The following PCDHGA4 variants were observed in gnomAD, a reference collection of about 807,000 sequenced individuals.
The protein encoded by PCDHGA4 is protocadherin gamma-A4.
In PCDHGA4, 38 loss-of-function variants were observed where a neutral mutation model predicts 54.6. The ratio of observed to expected loss-of-function variants is 0.70; its 90% CI spans 0.54 to 0.91. The LOEUF (loss-of-function observed/expected upper bound fraction) is 0.91, where lower values mean the gene tolerates loss of function less well. PCDHGA4 is among the 40% of genes least tolerant of loss of function. PCDHGA4 has a pLI of 0.00. For missense variants in PCDHGA4, 1,298 were observed against 1,220.9 expected, an observed-to-expected ratio of 1.06 and a Z score of -0.94; for synonymous variants, 511 against 512.9, an observed-to-expected ratio of 1.00 and a Z score of 0.05.
In PCDHGA4 at chr5:141,489,201, G is replaced by A. The variant is rs757039294; in HGVS notation, c.2515-5606G>A. ...AGCCCTGGGTCTACCTTGGAGACAG[G>A]ACAGCACAGACTTACTCTCCACAAA... On this transcript the variant is annotated intron_variant, in intron 1 of 3. Coordinates refer to ENST00000571252, the MANE Select transcript of PCDHGA4 (RefSeq NM_018917.4). This position sits in a 1 kb window ranked among gnomAD's most constrained non-coding sequence, Gnocchi z 4.5. The A allele has an allele frequency of 7.8e-6, 11 of 1,416,092 alleles. No individual in the cohort carries two copies. In the African/African-American group the frequency reaches 1.3e-4, roughly 17 times the overall value. 87.7% of individuals were successfully genotyped at this position (1,416,092 alleles called of 1,614,324 possible).
At chr5:141,399,627 C>A (rs751717107) in intron 1 of PCDHGA4, 19 of 1,613,788 alleles carry the variant, frequency 1.2e-5, no homozygotes, top group Non-Finnish European at 1.6e-5. Flanking sequence ...TGGCCTCTTA[C>A]GTGTCCATGA....
At chr5:141,458,172 T>A (rs1023447659) in intron 1 of PCDHGA4, among the ~76,000 whole-genome samples, 2 of 152,216 alleles carry the variant, frequency 1.3e-5, no homozygotes, top group African/African-American at 4.8e-5. Flanking sequence ...CACAGTAGTA[T>A]ACCTTACTTG....
intron 1 of PCDHGA4, 73 bp downstream of exon 1, chr5:141,357,694 A>G (rs756497559): frequency 3.9e-6 from 6 of 1,521,212 alleles, no homozygotes; most frequent in Middle Eastern, 1.7e-4. Flanking sequence ...CTCTCATTTT[A>G]TATGTAATAT....
chr5:141,356,266 G>A lies in PCDHGA4; in HGVS notation c.1159G>A (p.Val387Ile). The change falls in exon 1 of 4, where the codon GTC becomes ATC. Residue 387 changes from valine (V) to isoleucine (I), a missense_variant. Transcript: ENST00000571252. ...EVTVTSLTSS[V>I]QESSSPGTVI... ...CACAGTTACATCTCTCACCAGCTCA[G>A]TCCAGGAATCTTCTTCCCCGGGTAC... The A allele has an allele frequency of 6.4e-7, 1 of 1,564,424 alleles. No individual in the cohort carries two copies. The highest frequency in any genetic ancestry group is 8.7e-7 in the Non-Finnish European group (1 of 1,153,786).
chr5:141,372,906 C>A, intron 1 of PCDHGA4: 1 of 1,079,660 alleles, frequency 9.3e-7, no homozygotes, highest in Non-Finnish European at 1.3e-6. Context: ...TCCCTGATTA[C>A]ATTATTTTAT....
In PCDHGA4 at chr5:141,402,676, C is replaced by T. The variant is rs746643713; in HGVS notation, c.2514+45055C>T. 2.0e-5 allele frequency among the ~76,000 whole-genome samples: 3 copies of T among 152,282 alleles called. No homozygotes were observed. The East Asian group carries it at 5.8e-4, about 29-fold the overall frequency. ...GAGTAGTGTTTTCTTTATCAGCCAT[C>T]TGATATAATGTTACACATCAGTGGG... On this transcript the variant is annotated intron_variant, in intron 1 of 3. Transcript: ENST00000571252.
At chr5:141,452,881 T>A (rs1273440996) in intron 1 of PCDHGA4, among the ~76,000 whole-genome samples, 1 of 152,166 alleles carries the variant, frequency 6.6e-6, no homozygotes, top group African/African-American at 2.4e-5. Context: ...TTTGTAATAA[T>A]TTATTCCACT....
At chr5:141,430,906 C>A (rs764039566) in intron 1 of PCDHGA4, 2 of 1,606,932 alleles carry the variant, frequency 1.2e-6, no homozygotes, top group Non-Finnish European at 1.7e-6. Flanking sequence ...GCGACATCTC[C>A]AGGGACCTGG....
intron 1 of PCDHGA4, chr5:141,395,285 T>A: frequency 6.5e-7 from 1 of 1,535,168 alleles, no homozygotes; most frequent in Non-Finnish European, 8.8e-7. Context: ...GAATTTTATT[T>A]GGCATAAATT....
intron 1 of PCDHGA4, among the ~76,000 whole-genome samples, chr5:141,463,810 A>G (rs1469182885): frequency 6.6e-6 from 1 of 152,178 alleles, no homozygotes; most frequent in Non-Finnish European, 1.5e-5. Context: ...AAAAGCTTTT[A>G]TCACACATTT....
intron 1 of PCDHGA4, chr5:141,389,298 G>C (rs1440320819): frequency 6.2e-7 from 1 of 1,614,030 alleles, no homozygotes; most frequent in Non-Finnish European, 8.5e-7. Context: ...TATTTCACAA[G>C]TCAGGGCTTC....
chr5:141,431,698 ATT>A lies in PCDHGA4; in HGVS notation c.2515-63108_2515-63107del. The A allele has an allele frequency of 6.2e-7, 1 of 1,614,222 alleles. No homozygotes were observed. Among genetic ancestry groups the A allele is most frequent in the South Asian group, 1.1e-5 (1 of 91,090 alleles). ...GGGAGTTGGACCACGAGGAGTCAGG[ATT>A]CTACCAGATGGAAGTGCAAGCAATG... On this transcript the variant is annotated intron_variant, in intron 1 of 3. Transcript: ENST00000571252. The surrounding 1 kb of genome is among the most constrained non-coding windows in gnomAD (Gnocchi z 4.8).
intron 2 of PCDHGA4, among the ~76,000 whole-genome samples, chr5:141,497,248 G>A (rs1442942520): frequency 6.6e-6 from 1 of 152,128 alleles, no homozygotes; most frequent in African/African-American, 2.4e-5. Context: ...AGGAGGAGGT[G>A]ACATTGAGAA....
Position 141,510,363 on chromosome 5 carries a change from G to A in PCDHGA4, c.2663-584G>A, listed in dbSNP as rs973832487. Among the ~76,000 whole-genome samples the A allele has an allele frequency of 7.8e-5, 11 of 141,564 alleles. No individual in the cohort carries two copies. In the East Asian group the frequency reaches 1.6e-3, roughly 21 times the overall value. 92.9% of individuals were successfully genotyped at this position (141,564 alleles called of 152,430 possible). The stretch of plus-strand genomic sequence containing the variant: ...CCACACACTTACTAACGGAACTACC[G>A]AATCTCTACTCGTGCCAGGCCTTGC... On this transcript the variant is annotated intron_variant, in intron 3 of 3. Coordinates refer to ENST00000571252, the MANE Select transcript of PCDHGA4 (RefSeq NM_018917.4).
intron 1 of PCDHGA4, among the ~76,000 whole-genome samples, chr5:141,358,211 G>A (rs1760853496): frequency 6.6e-6 from 1 of 152,100 alleles, no homozygotes; most frequent in African/African-American, 2.4e-5. Context: ...ATAAAATAAA[G>A]TAAAATAAAG....
Position 141,360,493 on chromosome 5 carries a change from G to A in PCDHGA4, c.2514+2872G>A, listed in dbSNP as rs62621827. On this transcript the variant is annotated intron_variant, in intron 1 of 3. Transcript: ENST00000571252. ...AAATCCACTAAATATTTTCTACATA[G>A]CAGTAATTGTGCAGGATATAAATGA... 2,547 of 1,613,892 alleles carry A rather than the reference G, an allele frequency of 1.6e-3. 41 individuals are homozygous for A. In the African/African-American group the frequency reaches 0.029, roughly 18 times the overall value.
rs199698737 is a variant in PCDHGA4, at chr5:141,438,639, C to T, written c.2515-56168C>T. On this transcript the variant is annotated intron_variant, in intron 1 of 3. Transcript: ENST00000571252. ...ATATATATATATATATATATATACA[C>T]ACACACACACACATATATGTATATA... 7.1e-3 allele frequency among the ~76,000 whole-genome samples: 359 copies of T among 50,816 alleles called. 1 individual carries two copies. Among genetic ancestry groups the T allele is most frequent in the South Asian group, 0.017 (27 of 1,588 alleles). The allele number at this position is 50,816 out of a possible 152,430, so 33.3% of individuals were successfully genotyped here.
At position 141,357,093 on chromosome 5, in the gene PCDHGA4, C is replaced by T; in HGVS notation, c.1986C>T (p.Ala662=). The change falls in exon 1 of 4, where the codon GCC becomes GCT. Residue 662 remains alanine (A), a synonymous_variant. Transcript: ENST00000571252. ...CAGGCGAGGTGCGCACCGCACGGGC[C>T]CTGCTGGACAGAGACGCGCTCAAGC... is the stretch of plus-strand genomic sequence containing the variant. ...LHTGEVRTAR[A]LLDRDALKQR... 1.2e-6 allele frequency: 2 copies of T among 1,613,876 alleles called. No individual in the cohort carries two copies. The highest frequency in any genetic ancestry group is 8.5e-7 in the Non-Finnish European group (1 of 1,179,948).
intron 1 of PCDHGA4, chr5:141,376,235 C>T: frequency 1.2e-6 from 2 of 1,614,198 alleles, no homozygotes; most frequent in Non-Finnish European, 1.7e-6. Flanking sequence ...CAGACTGCAG[C>T]GCTGGCACAA....
Sources: gnomAD v4.1 joint callset for allele counts (sites outside exome capture counted in the v4.1 genomes callset) on GRCh38, gnomAD v4.1.1 for gene constraint, Gnocchi (gnomAD v3.1) non-coding constraint, MANE v1.5 for transcripts, NCBI Gene and HGNC (gene_info 2026-07-23, HGNC 2026-07-21) for gene names.